The following ANKRD28 variants were observed in gnomAD, a reference collection of about 807,000 sequenced individuals.
ANKRD28 encodes serine/threonine-protein phosphatase 6 regulatory ankyrin repeat subunit A.
A neutral mutation model predicts 126.5 loss-of-function variants in ANKRD28; 44 were observed. The observed-to-expected ratio is 0.35, with a 90% CI of 0.27 to 0.45. The LOEUF is 0.45. Ranked by LOEUF, ANKRD28 falls within the 20% of genes least tolerant of loss-of-function variation. The probability of loss-of-function intolerance (pLI) is 1.00; values close to 1 mark genes in which losing one functional copy is unlikely to be tolerated. For synonymous variants in ANKRD28, 442 were observed against 468.5 expected (o/e 0.94, Z 0.73); for missense variants, 1,110 against 1,316.6 (o/e 0.84, Z 2.43).
chr3:15,803,658 T>C (rs1351238318), intron 1 of ANKRD28, among the ~76,000 whole-genome samples: 2 of 150,332 alleles, frequency 1.3e-5, no homozygotes, highest in African/African-American at 4.9e-5. Context: ...ATAGGATTTA[T>C]AGGACATGTT....
Position 15,696,385 on chromosome 3 carries a change from AT to A in ANKRD28, c.1548-141del, listed in dbSNP as rs1274384277. The A allele has an allele frequency of 4.9e-4, 270 of 546,616 alleles. 1 individual carries two copies. Among genetic ancestry groups the A allele is most frequent in the Non-Finnish European group, 1.8e-4 (57 of 315,474 alleles). 33.9% of individuals were successfully genotyped at this position (546,616 alleles called of 1,614,324 possible). A position where few individuals can be genotyped will look rare whatever the true frequency, so the allele number is the denominator to read the frequency against. The stretch of plus-strand genomic sequence containing the variant: ...ATCATAAATGTATTACACTATAAAA[AT>A]GTCATTTAAATGACACTGACTAAAG... On this transcript the variant is annotated intron_variant, in intron 14 of 27. Coordinates refer to ENST00000683139, the MANE Select transcript of ANKRD28 (RefSeq NM_001349278.2).
intron 8 of ANKRD28, among the ~76,000 whole-genome samples, chr3:15,719,467 A>T (rs1195609182): frequency 6.6e-6 from 1 of 152,224 alleles, no homozygotes. Context: ...AATTCTAAAA[A>T]ATCTAATAAA....
At chr3:15,743,328 T>G (rs2057234670) in intron 4 of ANKRD28, among the ~76,000 whole-genome samples, 1 of 151,596 alleles carries the variant, frequency 6.6e-6, no homozygotes, top group Non-Finnish European at 1.5e-5. Context: ...TCCCCCTCTG[T>G]GAGAAACACC....
rs2061654258 is a variant in ANKRD28, at chr3:15,851,636, AGACAATAACGAGTAGTATT to A, written c.27+7722_27+7740del. Among the ~76,000 whole-genome samples, 7 of 152,298 alleles carry A rather than the reference AGACAATAACGAGTAGTATT, an allele frequency of 4.6e-5. No homozygotes were observed. The South Asian group carries it at 1.5e-3, about 32-fold the overall frequency. ...CACTAGGATGGCTATAATTTAAGAC[AGACAATAACGAGTAGTATT>A]GAGGATGTGGAGAAACTGGAATGCT... is the stretch of plus-strand genomic sequence containing the variant. On this transcript the variant is annotated intron_variant, in intron 1 of 27. Transcript: ENST00000399451.
In ANKRD28 at chr3:15,668,772, CTG is replaced by C. The variant is rs1246564723; in HGVS notation, c.*1496_*1497del. On this transcript the variant is annotated 3_prime_UTR_variant, in exon 28 of 28. Coordinates refer to ENST00000683139, the MANE Select transcript of ANKRD28 (RefSeq NM_001349278.2). ...TTATCAAATAGATCAAAATACTGTT[CTG>C]TGTTTTCACACTTTATATTCAGAAA... 6.6e-6 allele frequency: 1 copy of C among 152,602 alleles called. No homozygotes were observed. Among genetic ancestry groups the C allele is most frequent in the African/African-American group, 2.4e-5 (1 of 41,464 alleles). 9.5% of individuals were successfully genotyped at this position (152,602 alleles called of 1,614,324 possible).
At chr3:15,673,726 G>T (rs1237862436) in intron 27 of ANKRD28, among the ~76,000 whole-genome samples, 1 of 152,136 alleles carries the variant, frequency 6.6e-6, no homozygotes, top group Non-Finnish European at 1.5e-5. Flanking sequence ...GATGTTTGGG[G>T]ACAGAGTGTT....
At chr3:15,821,576 G>A (rs553419886) in intron 1 of ANKRD28, among the ~76,000 whole-genome samples, 3 of 152,174 alleles carry the variant, frequency 2.0e-5, no homozygotes, top group South Asian at 2.1e-4. Context: ...GCAATGAATA[G>A]GTGGCAAAAC....
intron 17 of ANKRD28, among the ~76,000 whole-genome samples, chr3:15,693,243 C>G (rs535017750): frequency 6.6e-6 from 1 of 151,812 alleles, no homozygotes; most frequent in Non-Finnish European, 1.5e-5. Flanking sequence ...TAAGAAGGTA[C>G]GTTTTATGCT....
intron 1 of ANKRD28, among the ~76,000 whole-genome samples, chr3:15,851,508 C>T (rs1051251057): frequency 6.6e-6 from 1 of 151,884 alleles, no homozygotes; most frequent in South Asian, 2.1e-4. Context: ...CATGCCACTG[C>T]ACTCCAACCT....
At chr3:15,819,585 T>C (rs2125907595) in intron 1 of ANKRD28, among the ~76,000 whole-genome samples, 1 of 152,320 alleles carries the variant, frequency 6.6e-6, no homozygotes, top group South Asian at 2.1e-4. Flanking sequence ...TTGGGATTGA[T>C]GTGAATAGAG....
intron 1 of ANKRD28, among the ~76,000 whole-genome samples, chr3:15,831,015 A>ACC (rs1458324204): frequency 1.3e-5 from 2 of 151,886 alleles, no homozygotes; most frequent in Non-Finnish European, 1.5e-5. Context: ...TGTCTGCACA[A>ACC]CCCCATTAGG....
At position 15,678,318 on chromosome 3, in the gene ANKRD28, T is replaced by C. The variant is rs745588421; in HGVS notation, c.2598A>G (p.Val866=). 2.4e-5 allele frequency: 38 copies of C among 1,611,426 alleles called. No individual in the cohort carries two copies. Among genetic ancestry groups the C allele is most frequent in the Non-Finnish European group, 5.1e-6 (6 of 1,178,956 alleles). Residue 866 remains valine (V), a synonymous_variant, in exon 24 of 28, where the codon GTA becomes GTG. Transcript: ENST00000683139. Reference sequence around the variant, plus strand: ...GGCTGAGCAGCAGCTGTAAACACTCTACATGGTCTGTGAAGGCGGCTGCAT... The same window carrying C: ...GGCTGAGCAGCAGCTGTAAACACTCCACATGGTCTGTGAAGGCGGCTGCAT... ...PLHAAAFTDH[V]ECLQLLLSHN...
Position 15,797,742 on chromosome 3 carries a change from A to C in ANKRD28, c.-1221T>G. 1 of 985,348 alleles carries C rather than the reference A, an allele frequency of 1.0e-6. No homozygotes were observed. Among genetic ancestry groups the C allele is most frequent in the Non-Finnish European group, 1.2e-6 (1 of 829,906 alleles). The allele number at this position is 985,348 out of a possible 1,614,324, so 61.0% of individuals were successfully genotyped here. On this transcript the variant is annotated 5_prime_UTR_variant, in exon 1 of 28. Transcript: ENST00000683139. ...CTCTTTGCCAATATAGTTTCCTTCC[A>C]CTGTGAAAACCGCCACAGTTATCCT...
chr3:15,797,554 T>TC lies in ANKRD28; in HGVS notation c.-1034dup. On this transcript the variant is annotated 5_prime_UTR_variant, in exon 1 of 28. It introduces an in-frame stop codon into an upstream open reading frame of the 5' UTR. Transcript: ENST00000683139. ...AATTACTGCTTCAGGCTTTTTGTTT[T>TC]CTTTAAAAAAAAAAAGGGGGGGGAA... 1.0e-6 allele frequency: 1 copy of TC among 983,998 alleles called. No homozygotes were observed. Among genetic ancestry groups the TC allele is most frequent in the Non-Finnish European group, 1.2e-6 (1 of 829,680 alleles). 61.0% of individuals were successfully genotyped at this position (983,998 alleles called of 1,614,324 possible).
chr3:15,733,299 C>G (rs1193829332), intron 6 of ANKRD28: 2 of 152,290 alleles, frequency 1.3e-5, no homozygotes, highest in African/African-American at 4.8e-5. Context: ...AGGAGAAATA[C>G]TGTCATATGG....
intron 4 of ANKRD28, among the ~76,000 whole-genome samples, chr3:15,747,452 C>T (rs2057551127): frequency 6.6e-6 from 1 of 152,118 alleles, no homozygotes; most frequent in Non-Finnish European, 1.5e-5. Flanking sequence ...TCCTTGTTGA[C>T]CCAACGATCA....
chr3:15,824,215 C>T (rs1011885228), intron 1 of ANKRD28, among the ~76,000 whole-genome samples: 3 of 152,206 alleles, frequency 2.0e-5, no homozygotes, highest in Non-Finnish European at 2.9e-5. Flanking sequence ...GTCATGCAGG[C>T]GCCATCTCAG....
At chr3:15,775,189 C>T (rs1222158252) in intron 2 of ANKRD28, among the ~76,000 whole-genome samples, 1 of 152,098 alleles carries the variant, frequency 6.6e-6, no homozygotes, top group East Asian at 1.9e-4. Context: ...GGAGATTTAA[C>T]AGGTACTTCA....
chr3:15,697,583 G>T lies in ANKRD28; in HGVS notation c.1548-1338C>A, dbSNP rs561467681. 3.3e-5 allele frequency among the ~76,000 whole-genome samples: 5 copies of T among 152,056 alleles called. No individual in the cohort carries two copies. In the South Asian group the frequency reaches 1.0e-3, roughly 32 times the overall value. On this transcript the variant is annotated intron_variant, in intron 14 of 27. Coordinates refer to ENST00000683139, the MANE Select transcript of ANKRD28 (RefSeq NM_001349278.2). ...GATTTGCGTACGTTGAACCAGCCTT[G>T]CATCCCAGGGATGAAGCCGAGTTGA...
Sources: gnomAD v4.1 joint callset for allele counts (sites outside exome capture counted in the v4.1 genomes callset) on GRCh38, gnomAD v4.1.1 for gene constraint, MANE v1.5 for transcripts, NCBI Gene and HGNC (gene_info 2026-07-23, HGNC 2026-07-21) for gene names.